ATRIP: variants seen among roughly 807,000 people sequenced by gnomAD.
ATRIP encodes ATR interacting protein.
ATRIP carries 44 observed loss-of-function variants against 78.1 expected under a neutral mutation model. The observed-to-expected ratio is 0.56, with a 90% CI of 0.44 to 0.72. The LOEUF is 0.72. ATRIP is among the 30% of genes least tolerant of loss of function. The pLI is 0.00. For missense variants in ATRIP, 927 were observed against 980.2 expected (o/e 0.95, Z 0.72); for synonymous variants, 388 against 408.9 (o/e 0.95, Z 0.62).
rs752036149 is a variant in ATRIP at position 48,451,809 on chromosome 3, C to T, written c.462C>T (p.Ser154=). The change falls in exon 3 of 13, where the codon TCC becomes TCT. Residue 154 remains serine (S), a synonymous_variant. Coordinates refer to ENST00000320211, the MANE Select transcript of ATRIP (RefSeq NM_130384.3). ...ILRDSLHQTE[S]VLEEQRRSHF... is the part of the protein sequence containing the mutation. ...GAGACTCACTACATCAGACGGAATC[C>T]GTTCTAGAGGAACAGAGAAGATCAC... 7.8e-5 allele frequency: 125 copies of T among 1,612,434 alleles called. 1 individual carries two copies. The highest frequency in any genetic ancestry group is 1.0e-4 in the Non-Finnish European group (119 of 1,179,072).
chr3:48,458,202 C>G (rs1331901894), intron 5 of ATRIP, among the ~76,000 whole-genome samples: 1 of 151,550 alleles, frequency 6.6e-6, no homozygotes, highest in East Asian at 1.9e-4. Flanking sequence ...CTCAGACTCC[C>G]GAATAGCTGG....
chr3:48,454,553 T>G, intron 4 of ATRIP, 135 bp downstream of exon 4: 1 of 612,676 alleles, frequency 1.6e-6, no homozygotes, highest in Non-Finnish European at 2.9e-6. Context: ...TCCTGAAGGA[T>G]TCAGAGGTGG....
In ATRIP at chr3:48,460,814, A is replaced by G; in HGVS notation, c.1745+15A>G. On this transcript the variant is annotated intron_variant, in intron 8 of 12. Transcript: ENST00000320211. ...TTCTTGCCCAGGTATTAAGCTGCAT[A>G]GGAGTCATGATTCTTTGTGGGTCTC... 6.3e-7 allele frequency: 1 copy of G among 1,575,432 alleles called. No individual in the cohort carries two copies. Among genetic ancestry groups the G allele is most frequent in the Non-Finnish European group, 8.7e-7 (1 of 1,154,616 alleles).
At position 48,454,364 on chromosome 3, in the gene ATRIP, T is replaced by C; in HGVS notation, c.617T>C (p.Leu206Pro). Residue 206 changes from leucine to proline, a missense_variant, in exon 4 of 13, where the codon CTC becomes CCC. Coordinates refer to ENST00000320211, the MANE Select transcript of ATRIP (RefSeq NM_130384.3). ...DAEMNELRTK[L>P]QTSERANKLA... is the part of the protein sequence containing the mutation. ...GAGATGAATGAATTAAGGACAAAGC[T>C]CCAGACCAGTGAACGAGCAAATAAA... The C allele has an allele frequency of 1.2e-6, 2 of 1,613,838 alleles. No individual in the cohort carries two copies. The highest frequency in any genetic ancestry group is 1.7e-6 in the Non-Finnish European group (2 of 1,179,816).
intron 1 of ATRIP, among the ~76,000 whole-genome samples, 199 bp from the exon 2 acceptor site, chr3:48,449,838 T>A (rs1466330654): frequency 1.4e-5 from 2 of 143,714 alleles, no homozygotes; most frequent in African/African-American, 2.6e-5. Context: ...CACAGGAGGC[T>A]AAGGCAGGAG....
Position 48,466,289 on chromosome 3 carries a change from C to A in ATRIP, c.*735C>A. The A allele has an allele frequency of 3.1e-6, 2 of 650,606 alleles. No individual in the cohort carries two copies. Among genetic ancestry groups the A allele is most frequent in the Non-Finnish European group, 5.5e-6 (2 of 366,350 alleles). 40.3% of individuals were successfully genotyped at this position (650,606 alleles called of 1,614,324 possible). The stretch of plus-strand genomic sequence containing the variant: ...AGAGTGTGCAGCCGAGTCACTACTG[C>A]CTGCCTGCCTGCCTGCTACGGTGAG... On this transcript the variant is annotated 3_prime_UTR_variant, in exon 13 of 13. Transcript: ENST00000320211.
chr3:48,458,163 C>T (rs1389534372), intron 5 of ATRIP, among the ~76,000 whole-genome samples: 4 of 150,858 alleles, frequency 2.7e-5, no homozygotes, highest in South Asian at 2.1e-4. Context: ...CTGCAACTTC[C>T]GCCTCCCGGG....
At chr3:48,451,537 T>G (rs1210556760) in intron 2 of ATRIP, among the ~76,000 whole-genome samples, 192 bp from the exon 3 acceptor site, 1 of 152,198 alleles carries the variant, frequency 6.6e-6, no homozygotes, top group Non-Finnish European at 1.5e-5. Context: ...TTAAGCTATC[T>G]TGATGAATAT....
Position 48,463,870 on chromosome 3 carries a change from G to A in ATRIP, c.1871G>A (p.Cys624Tyr). ...CACGACCAGCTGGCACCTCAGCTCTGTTCCCACTCAGGTAAAGCAGGGTGG... is the reference window on the plus strand; with the variant it reads ...CACGACCAGCTGGCACCTCAGCTCTATTCCCACTCAGGTAAAGCAGGGTGG... ...ADHDQLAPQL[C>Y]SHSEGCLLLL... is the part of the protein sequence containing the mutation. Residue 624 changes from cysteine to tyrosine, a missense_variant, in exon 9 of 13, where the codon TGT (cysteine) becomes TAT (tyrosine). By Grantham distance (194) the Cys-to-Tyr change is radical. Transcript: ENST00000320211. 1 of 1,614,116 alleles carries A rather than the reference G, an allele frequency of 6.2e-7. No individual in the cohort carries two copies. Among genetic ancestry groups the A allele is most frequent in the Non-Finnish European group, 8.5e-7 (1 of 1,180,032 alleles).
chr3:48,464,974 G>C lies in ATRIP; in HGVS notation c.2199G>C (p.Lys733Asn). The C allele has an allele frequency of 6.2e-7, 1 of 1,614,188 alleles. No homozygotes were observed. The highest frequency in any genetic ancestry group is 8.5e-7 in the Non-Finnish European group (1 of 1,180,046). Residue 733 changes from lysine (K) to asparagine (N), a missense_variant, in exon 12 of 13, where the codon AAG (lysine) becomes AAC (asparagine). Transcript: ENST00000320211. ...TGCTGCTGCACGGCCTATCGCAGAA[G>C]GACAAGCTCTTCATGATGCACTGCG... is the stretch of plus-strand genomic sequence containing the variant. ...TVLLLHGLSQ[K>N]DKLFMMHCVE...
intron 8 of ATRIP, 21 bp from the exon 9 acceptor site, chr3:48,463,724 C>T (rs1471198016): frequency 6.2e-7 from 1 of 1,613,908 alleles, no homozygotes; most frequent in Non-Finnish European, 8.5e-7. Context: ...TGTCACGTCT[C>T]TCTGGGTCCC....
chr3:48,459,466 C>T lies in ATRIP; in HGVS notation c.925+12C>T. On this transcript the variant is annotated intron_variant, in intron 6 of 12. Coordinates refer to ENST00000320211, the MANE Select transcript of ATRIP (RefSeq NM_130384.3). ...ATCAAACACTCAAGGTACCAGAATC[C>T]CTGCTTCTCCTGCAGGGGCCTGCAT... is the stretch of plus-strand genomic sequence containing the variant. 6.2e-7 allele frequency: 1 copy of T among 1,609,306 alleles called. No homozygotes were observed. Among genetic ancestry groups the T allele is most frequent in the East Asian group, 2.2e-5 (1 of 44,862 alleles).
chr3:48,452,254 G>A (rs574707870), intron 3 of ATRIP, among the ~76,000 whole-genome samples: 1 of 152,210 alleles, frequency 6.6e-6, no homozygotes, highest in Non-Finnish European at 1.5e-5. Flanking sequence ...AAGAACCGGG[G>A]TATGCTGGGA....
Position 48,446,906 on chromosome 3 carries a change from G to A in ATRIP, c.61G>A (p.Gly21Ser), listed in dbSNP as rs762935901. 2.9e-6 allele frequency: 4 copies of A among 1,391,136 alleles called. No individual in the cohort carries two copies. The highest frequency in any genetic ancestry group is 3.6e-5 in the Admixed American group (1 of 27,852). 86.2% of individuals were successfully genotyped at this position (1,391,136 alleles called of 1,614,324 possible). Reference protein sequence around the residue: ...RRSEPPAPRPGPPPGTGHPPS... With the variant: ...RRSEPPAPRPSPPPGTGHPPS... ...GAGCGAGCCCCCGGCGCCTCGCCCC[G>A]GCCCGCCGCCGGGCACCGGGCACCC... Residue 21 changes from glycine (G) to serine (S), a missense_variant, in exon 1 of 13, where the codon GGC (glycine) becomes AGC (serine). Transcript: ENST00000320211.
At chr3:48,450,202 AATTC>A in intron 2 of ATRIP, 32 bp downstream of exon 2, 1 of 1,595,324 alleles carries the variant, frequency 6.3e-7, no homozygotes, top group Non-Finnish European at 8.5e-7. Context: ...TTTTGTAGCT[AATTC>A]ATTCACTTAC....
At chr3:48,456,036 A>G (rs1182673948) in intron 4 of ATRIP, among the ~76,000 whole-genome samples, 6 of 151,942 alleles carry the variant, frequency 3.9e-5, no homozygotes, top group African/African-American at 1.5e-4. Context: ...CAGGAGAATC[A>G]CTCAAACCTG....
Position 48,465,747 on chromosome 3 carries a change from C to A in ATRIP, c.*193C>A. ...GAGTGGCTGGGATCCTTCTTCCTGTCCCTGGCTGTTGCTGAGCCCGTCCCC... is the reference window on the plus strand; with the variant it reads ...GAGTGGCTGGGATCCTTCTTCCTGTACCTGGCTGTTGCTGAGCCCGTCCCC... On this transcript the variant is annotated 3_prime_UTR_variant, in exon 13 of 13. Transcript: ENST00000320211. The A allele has an allele frequency of 1.7e-6, 1 of 572,660 alleles. No homozygotes were observed. The highest frequency in any genetic ancestry group is 3.1e-6 in the Non-Finnish European group (1 of 321,720). 35.5% of individuals were successfully genotyped at this position (572,660 alleles called of 1,614,324 possible). A position where few individuals can be genotyped will look rare whatever the true frequency, so the allele number is the denominator to read the frequency against.
At chr3:48,457,195 A>C in intron 4 of ATRIP, 64 bp from the exon 5 acceptor site, 5 of 1,382,606 alleles carry the variant, frequency 3.6e-6, no homozygotes, top group Middle Eastern at 2.1e-4. Context: ...GAAATTTTGT[A>C]ACCAGATATT....
intron 5 of ATRIP, among the ~76,000 whole-genome samples, chr3:48,459,061 C>G (rs949033822): frequency 6.6e-6 from 1 of 152,210 alleles, no homozygotes; most frequent in Admixed American, 6.5e-5. Context: ...GTATAGAGCT[C>G]TTAAAACACT....
Sources: gnomAD v4.1 joint callset for allele counts (sites outside exome capture counted in the v4.1 genomes callset) on GRCh38, gnomAD v4.1.1 for gene constraint, MANE v1.5 for transcripts, NCBI Gene and HGNC (gene_info 2026-07-23, HGNC 2026-07-21) for gene names.